The following LRFN5 variants were observed in gnomAD, a reference collection of about 807,000 sequenced individuals.
The protein encoded by LRFN5 is leucine-rich repeat and fibronectin type-III domain-containing protein 5.
A neutral mutation model predicts 45.6 loss-of-function variants in LRFN5; 24 were observed. The ratio of observed to expected loss-of-function variants is 0.53; its 90% CI spans 0.38 to 0.74. LRFN5 has a LOEUF of 0.74. Among genes scored for constraint, LRFN5 ranks in the 30% least tolerant of loss-of-function variants. The pLI is 0.00. For synonymous variants in LRFN5, 340 were observed against 313.8 expected (o/e 1.08, Z -0.88); for missense variants, 776 against 861.5 (o/e 0.90, Z 1.24).
intron 2 of LRFN5, among the ~76,000 whole-genome samples, chr14:41,851,222 T>C (rs1889254398): frequency 1.3e-5 from 2 of 151,736 alleles, no homozygotes; most frequent in East Asian, 1.9e-4. Context: ...TGAAAACACA[T>C]GCTATGTATA....
chr14:41,617,552 T>C (rs556451162), intron 1 of LRFN5, among the ~76,000 whole-genome samples: 3 of 152,292 alleles, frequency 2.0e-5, no homozygotes, highest in East Asian at 1.9e-4. Context: ...ATCCTATTTT[T>C]AGTTTCTCAT....
intron 2 of LRFN5, among the ~76,000 whole-genome samples, chr14:41,832,872 T>A (rs895904583): frequency 1.3e-5 from 2 of 152,184 alleles, no homozygotes; most frequent in Non-Finnish European, 2.9e-5. Context: ...TGTCATACAT[T>A]CTTTTCTTTT....
At chr14:41,785,489 C>T (rs1238379122) in intron 2 of LRFN5, among the ~76,000 whole-genome samples, 1 of 151,978 alleles carries the variant, frequency 6.6e-6, no homozygotes, top group East Asian at 1.9e-4. Flanking sequence ...CCAAAGCTTC[C>T]TTTAAATGAT....
intron 5 of LRFN5, among the ~76,000 whole-genome samples, chr14:41,899,507 G>GT (rs367707307): frequency 9.2e-5 from 14 of 152,154 alleles, no homozygotes; most frequent in Non-Finnish European, 1.9e-4. Flanking sequence ...TTCTTGAGTG[G>GT]TTTTTTTAGG....
chr14:41,792,141 T>C (rs1321477036), intron 2 of LRFN5, among the ~76,000 whole-genome samples: 1 of 152,056 alleles, frequency 6.6e-6, no homozygotes, highest in Non-Finnish European at 1.5e-5. Flanking sequence ...GATGTCTGCC[T>C]GAGTCTCAGA....
Position 41,794,060 on chromosome 14 carries a change from C to T in LRFN5, c.-21+27031C>T, listed in dbSNP as rs567815327. On this transcript the variant is annotated intron_variant, in intron 2 of 5. Coordinates refer to ENST00000298119, the MANE Select transcript of LRFN5 (RefSeq NM_152447.5). Reference sequence around the variant, plus strand: ...TATTCATTATTATCTTCCTTTATTCCAGTGCTTTGGTTCTGCCCATATCAA... The same window carrying T: ...TATTCATTATTATCTTCCTTTATTCTAGTGCTTTGGTTCTGCCCATATCAA... Among the ~76,000 whole-genome samples the T allele has an allele frequency of 4.6e-5, 7 of 152,038 alleles. No homozygotes were observed. In the South Asian group the frequency reaches 1.5e-3, roughly 32 times the overall value.
chr14:41,892,407 C>G, intron 4 of LRFN5: 1 of 984,958 alleles, frequency 1.0e-6, no homozygotes, highest in African/African-American at 1.7e-5. Context: ...GTGCCTTTCC[C>G]TATTCTAGGA....
intron 2 of LRFN5, among the ~76,000 whole-genome samples, chr14:41,780,018 C>T (rs998543010): frequency 6.6e-6 from 1 of 151,812 alleles, no homozygotes; most frequent in African/African-American, 2.4e-5. Context: ...TTTCTCTAGG[C>T]TCCTAAAGTA....
chr14:41,871,186 T>TA (rs913225741), intron 2 of LRFN5, among the ~76,000 whole-genome samples: 12 of 151,912 alleles, frequency 7.9e-5, no homozygotes, highest in East Asian at 1.9e-4. Context: ...TTTATCTCAT[T>TA]AAAAAAAATG....
At chr14:41,860,762 C>A (rs1017755711) in intron 2 of LRFN5, among the ~76,000 whole-genome samples, 6 of 152,234 alleles carry the variant, frequency 3.9e-5, no homozygotes, top group Non-Finnish European at 7.3e-5. Context: ...CAAGTCATTT[C>A]TCCAGAACTC....
intron 1 of LRFN5, among the ~76,000 whole-genome samples, chr14:41,741,277 G>T (rs969231440): frequency 2.0e-5 from 3 of 151,626 alleles, no homozygotes; most frequent in Non-Finnish European, 4.4e-5. Flanking sequence ...GAAGTAGGAG[G>T]TATCAAATTT....
At chr14:41,678,011 A>G (rs1272649573) in intron 1 of LRFN5, among the ~76,000 whole-genome samples, 1 of 152,060 alleles carries the variant, frequency 6.6e-6, no homozygotes, top group East Asian at 1.9e-4. Flanking sequence ...AGAGATTGTC[A>G]TGATAATTTA....
At chr14:41,886,128 C>G (rs780149247) in intron 2 of LRFN5, among the ~76,000 whole-genome samples, 1 of 151,636 alleles carries the variant, frequency 6.6e-6, no homozygotes, top group Non-Finnish European at 1.5e-5. Flanking sequence ...ATGCTGCAAG[C>G]TAACAAATAT....
intron 2 of LRFN5, among the ~76,000 whole-genome samples, chr14:41,868,506 G>A (rs532366885): frequency 6.6e-6 from 1 of 152,118 alleles, no homozygotes; most frequent in Non-Finnish European, 1.5e-5. Flanking sequence ...TCCTGAATAA[G>A]TGCTTAAAAA....
In LRFN5 at chr14:41,630,041, C is replaced by G. The variant is rs188198086; in HGVS notation, c.-197+21479C>G. On this transcript the variant is annotated intron_variant, in intron 1 of 5. Transcript: ENST00000298119. ...TCTTTCAATTTTTTTATCCAAGTACCTAGAAAGGTGCTTAAGATATTGTCA... is the reference window on the plus strand; with the variant it reads ...TCTTTCAATTTTTTTATCCAAGTACGTAGAAAGGTGCTTAAGATATTGTCA... 4.1e-4 allele frequency among the ~76,000 whole-genome samples: 62 copies of G among 152,080 alleles called. No homozygotes were observed. In the East Asian group the frequency reaches 0.012, roughly 29 times the overall value.
intron 2 of LRFN5, among the ~76,000 whole-genome samples, chr14:41,843,279 A>C (rs1486615786): frequency 1.3e-5 from 2 of 151,730 alleles, no homozygotes; most frequent in East Asian, 1.9e-4. Context: ...TGTTTTGTAG[A>C]GATGAGGTCT....
At chr14:41,878,089 C>A (rs1247525095) in intron 2 of LRFN5, among the ~76,000 whole-genome samples, 1 of 151,862 alleles carries the variant, frequency 6.6e-6, no homozygotes, top group Non-Finnish European at 1.5e-5. Flanking sequence ...AAAATGTTAG[C>A]ATTTATAGTC....
chr14:41,846,233 G>GCA (rs1217728815), intron 2 of LRFN5, among the ~76,000 whole-genome samples: 3 of 87,794 alleles, frequency 3.4e-5, no homozygotes, highest in African/African-American at 9.4e-5. Flanking sequence ...ACACACACAC[G>GCA]CACACACACA....
chr14:41,840,462 T>A (rs1410691446), intron 2 of LRFN5, among the ~76,000 whole-genome samples: 2 of 152,200 alleles, frequency 1.3e-5, no homozygotes, highest in South Asian at 4.1e-4. Context: ...TTTAATCACA[T>A]CTGTTAAATA....
Sources: gnomAD v4.1 joint callset for allele counts (sites outside exome capture counted in the v4.1 genomes callset) on GRCh38, gnomAD v4.1.1 for gene constraint, MANE v1.5 for transcripts, NCBI Gene and HGNC (gene_info 2026-07-23, HGNC 2026-07-21) for gene names.